Variants in RGMA observed in about 807,000 individuals in gnomAD.
The protein encoded by RGMA is repulsive guidance molecule BMP co-receptor a.
A neutral mutation model predicts 23.2 loss-of-function variants in RGMA; 10 were observed. That is an observed-to-expected ratio of 0.43 (90% confidence interval 0.27 to 0.73). The LOEUF is 0.73. Among genes scored for constraint, RGMA ranks in the 30% least tolerant of loss-of-function variants. RGMA has a pLI of 0.20. For synonymous variants in RGMA, 308 were observed against 279.3 expected (o/e 1.10, Z -1.03); for missense variants, 547 against 630.5 (o/e 0.87, Z 1.42).
rs1015557282 is a variant in RGMA, at chr15:93,044,091, G to A, written c.*907C>T. The stretch of plus-strand genomic sequence containing the variant: ...TGGATGGACCGGGCTGGGGGCTCTT[G>A]GGGTTGTGAGGAGGAAGCAGAGGAT... On this transcript the variant is annotated 3_prime_UTR_variant, in exon 4 of 4. Transcript: ENST00000329082. The A allele has an allele frequency of 6.6e-6, 1 of 152,454 alleles. No individual in the cohort carries two copies. Among genetic ancestry groups the A allele is most frequent in the Non-Finnish European group, 1.5e-5 (1 of 68,212 alleles). The allele number at this position is 152,454 out of a possible 1,614,324, so 9.4% of individuals were successfully genotyped here.
intron 2 of RGMA, among the ~76,000 whole-genome samples, chr15:93,053,278 C>T (rs538307986): frequency 6.6e-6 from 1 of 152,322 alleles, no homozygotes; most frequent in East Asian, 1.9e-4. Flanking sequence ...ATGGCTTTAA[C>T]ACACCTTATC....
chr15:93,066,058 G>C (rs996750869), intron 2 of RGMA: 8 of 1,514,290 alleles, frequency 5.3e-6, no homozygotes, highest in African/African-American at 2.7e-5. Context: ...CATGGGTGGT[G>C]GGGCAACTGA....
intron 2 of RGMA, among the ~76,000 whole-genome samples, chr15:93,057,563 G>A (rs977585353): frequency 1.3e-5 from 2 of 152,078 alleles, no homozygotes; most frequent in African/African-American, 2.4e-5. Flanking sequence ...GAAAATAAAC[G>A]TCTGTTGCTT....
intron 2 of RGMA, among the ~76,000 whole-genome samples, chr15:93,071,296 T>C (rs1895314221): frequency 6.6e-6 from 1 of 152,264 alleles, no homozygotes; most frequent in Non-Finnish European, 1.5e-5. Flanking sequence ...TTTTGAATTC[T>C]TGGGAGGAAA....
chr15:93,074,406 T>C (rs1895434359), intron 1 of RGMA, among the ~76,000 whole-genome samples: 1 of 152,128 alleles, frequency 6.6e-6, no homozygotes, highest in African/African-American at 2.4e-5. Context: ...GAAGGCCCTA[T>C]GGCTGTGAAG....
intron 2 of RGMA, among the ~76,000 whole-genome samples, chr15:93,061,844 C>A (rs528669038): frequency 6.6e-6 from 1 of 152,140 alleles, no homozygotes; most frequent in African/African-American, 2.4e-5. Flanking sequence ...ATTATTACCG[C>A]CCTGTTTGCA....
In RGMA at chr15:93,037,026, C is replaced by T. The variant is rs28750346; in HGVS notation, c.*7972G>A. The T allele has an allele frequency of 0.071, 10,780 of 152,230 alleles. 514 individuals carry two copies. The highest frequency in any genetic ancestry group is 0.12 in the African/African-American group (5,071 of 41,484). 9.4% of individuals were successfully genotyped at this position (152,230 alleles called of 1,614,324 possible). ...GACCAGAGCCCACTCCATGGCTGGG[C>T]GAGCTGGGCAGTGGGTGACTGGCAG... On this transcript the variant is annotated 3_prime_UTR_variant, in exon 4 of 4. Coordinates refer to ENST00000329082, the MANE Select transcript of RGMA (RefSeq NM_020211.3). This position sits in a 1 kb window ranked among gnomAD's most constrained non-coding sequence, Gnocchi z 4.3.
At chr15:93,066,791 G>C (rs1895170529) in intron 2 of RGMA, among the ~76,000 whole-genome samples, 1 of 152,162 alleles carries the variant, frequency 6.6e-6, no homozygotes, top group Admixed American at 6.5e-5. Context: ...GGGATTACAG[G>C]TGTGAGCCAC....
rs183067722 is a variant in RGMA, at chr15:93,043,522, G to A, written c.*1476C>T. ...GTCGCAGACACGTGGACGCAGTGAG[G>A]GGTCCCCACTTCCAAGCAGAACGTG... On this transcript the variant is annotated 3_prime_UTR_variant, in exon 4 of 4. Coordinates refer to ENST00000329082, the MANE Select transcript of RGMA (RefSeq NM_020211.3). The A allele has an allele frequency of 2.0e-5, 3 of 152,622 alleles. No individual in the cohort carries two copies. The highest frequency in any genetic ancestry group is 4.8e-5 in the African/African-American group (2 of 41,580). The allele number at this position is 152,622 out of a possible 1,614,324, so 9.5% of individuals were successfully genotyped here. A position where few individuals can be genotyped will look rare whatever the true frequency, so the allele number is the denominator to read the frequency against.
chr15:93,037,867 C>G lies in RGMA; in HGVS notation c.*7131G>C, dbSNP rs575409123. ...GCAAGGACAGGGTGATGCTGGGCGA[C>G]ATGAATGTTTTCGCCTTGGGATCTG... On this transcript the variant is annotated 3_prime_UTR_variant, in exon 4 of 4. Coordinates refer to ENST00000329082, the MANE Select transcript of RGMA (RefSeq NM_020211.3). This position sits in a 1 kb window ranked among gnomAD's most constrained non-coding sequence, Gnocchi z 4.3. 2 of 152,378 alleles carry G rather than the reference C, an allele frequency of 1.3e-5. No homozygotes were observed. The highest frequency in any genetic ancestry group is 2.1e-4 in the South Asian group (1 of 4,828). 9.4% of individuals were successfully genotyped at this position (152,378 alleles called of 1,614,324 possible).
chr15:93,060,672 C>T lies in RGMA; in HGVS notation c.131-8165G>A, dbSNP rs145821371. The stretch of plus-strand genomic sequence containing the variant: ...AATCAAATTTATCAAAGAGCCCCAA[C>T]AATCACTTTGTGACCAAAAACAATG... On this transcript the variant is annotated intron_variant, in intron 2 of 3. Transcript: ENST00000329082. Among the ~76,000 whole-genome samples the T allele has an allele frequency of 3.7e-4, 57 of 152,352 alleles. No individual in the cohort carries two copies. The East Asian group carries it at 9.4e-3, about 25-fold the overall frequency.
At chr15:93,083,178 T>C (rs28512420) in intron 1 of RGMA, among the ~76,000 whole-genome samples, 6,022 of 152,308 alleles carry the variant, frequency 0.04, 394 homozygotes, top group African/African-American at 0.14. Context: ...ATCTACTTGC[T>C]CAAAATGCTC....
intron 2 of RGMA, among the ~76,000 whole-genome samples, chr15:93,060,494 G>A (rs909176237): frequency 1.3e-5 from 2 of 152,226 alleles, no homozygotes; most frequent in Non-Finnish European, 2.9e-5. Context: ...CTTAAGCGGT[G>A]ATGCCCAGGC....
At chr15:93,050,200 G>C (rs140434217) in intron 3 of RGMA, among the ~76,000 whole-genome samples, 12 of 152,298 alleles carry the variant, frequency 7.9e-5, no homozygotes, top group Middle Eastern at 3.4e-3. Flanking sequence ...CTTCTGGGAG[G>C]GAGGGCAACA....
At chr15:93,083,337 A>AT (rs755159919) in intron 1 of RGMA, among the ~76,000 whole-genome samples, 22 of 151,476 alleles carry the variant, frequency 1.5e-4, no homozygotes, top group African/African-American at 2.4e-4. Flanking sequence ...AGCTTTTTTT[A>AT]TTTTTTTTGA....
chr15:93,059,121 T>A (rs2055061616), intron 2 of RGMA, among the ~76,000 whole-genome samples: 1 of 151,950 alleles, frequency 6.6e-6, no homozygotes, highest in Non-Finnish European at 1.5e-5. Flanking sequence ...GGGCTGGGGC[T>A]GAGATGGGCA....
chr15:93,066,108 G>A (rs781155870), intron 2 of RGMA: 2 of 1,424,060 alleles, frequency 1.4e-6, no homozygotes, highest in South Asian at 2.3e-5. Flanking sequence ...TACGTAGGTT[G>A]GGGGCATAAC....
At position 93,044,163 on chromosome 15, in the gene RGMA, T is replaced by A. The variant is rs569869943; in HGVS notation, c.*835A>T. 4 of 152,470 alleles carry A rather than the reference T, an allele frequency of 2.6e-5. No homozygotes were observed. The South Asian group carries it at 8.3e-4, about 32-fold the overall frequency. 9.4% of individuals were successfully genotyped at this position (152,470 alleles called of 1,614,324 possible). ...ATCCACTGGGTCTCCTGCCACACCCTGGGGCCCAGGCACCCCTGCCCAGGA... is the reference window on the plus strand; with the variant it reads ...ATCCACTGGGTCTCCTGCCACACCCAGGGGCCCAGGCACCCCTGCCCAGGA... On this transcript the variant is annotated 3_prime_UTR_variant, in exon 4 of 4. Transcript: ENST00000329082.
intron 1 of RGMA, among the ~76,000 whole-genome samples, chr15:93,085,190 C>G (rs1043948328): frequency 7.0e-6 from 1 of 142,078 alleles, no homozygotes; most frequent in Non-Finnish European, 1.6e-5. Flanking sequence ...GTGAGCTGCT[C>G]CAAAGACCCT....
Sources: gnomAD v4.1 joint callset for allele counts (sites outside exome capture counted in the v4.1 genomes callset) on GRCh38, gnomAD v4.1.1 for gene constraint, Gnocchi (gnomAD v3.1) non-coding constraint, MANE v1.5 for transcripts, NCBI Gene and HGNC (gene_info 2026-07-23, HGNC 2026-07-21) for gene names.